GTF2H1: variants seen among roughly 807,000 people sequenced by gnomAD.
The protein encoded by GTF2H1 is general transcription factor IIH subunit 1.
A neutral mutation model predicts 71.2 loss-of-function variants in GTF2H1; 16 were observed. The ratio of observed to expected loss-of-function variants is 0.22; its 90% CI spans 0.15 to 0.34. GTF2H1 has a LOEUF of 0.34. Ranked by LOEUF, GTF2H1 falls within the 10% of genes least tolerant of loss-of-function variation. The probability of loss-of-function intolerance (pLI) is 1.00; values close to 1 mark genes in which losing one functional copy is unlikely to be tolerated. For missense variants in GTF2H1, 498 were observed against 648.2 expected (o/e 0.77, Z 2.52); for synonymous variants, 215 against 219.0 (o/e 0.98, Z 0.16).
At chr11:18,333,569 G>T (rs150531359) in intron 2 of GTF2H1, 1 of 167,284 alleles carries the variant, frequency 6.0e-6, no homozygotes, top group Non-Finnish European at 1.3e-5. Flanking sequence ...TTATTGCAGT[G>T]TTTGCACTAA....
chr11:18,354,526 G>C (rs564244099), intron 11 of GTF2H1, among the ~76,000 whole-genome samples: 2 of 152,230 alleles, frequency 1.3e-5, no homozygotes, highest in East Asian at 1.9e-4. Context: ...CAGACTCCTA[G>C]ACTCAAGCAA....
At chr11:18,347,096 C>T (rs115854988) in intron 7 of GTF2H1, 2,541 of 151,882 alleles carry the variant, frequency 0.017, 66 homozygotes, top group South Asian at 0.082. Flanking sequence ...ATGCAGACCA[C>T]GCACGGTGGC....
intron 4 of GTF2H1, among the ~76,000 whole-genome samples, 183 bp from the exon 5 acceptor site, chr11:18,339,381 C>G (rs1313355162): frequency 6.6e-6 from 1 of 152,132 alleles, no homozygotes; most frequent in Non-Finnish European, 1.5e-5. Flanking sequence ...CACTTAAGAC[C>G]GTGAGAAACC....
intron 4 of GTF2H1, 83 bp from the exon 5 acceptor site, chr11:18,339,481 C>T: frequency 2.3e-6 from 2 of 882,360 alleles, no homozygotes; most frequent in Middle Eastern, 2.3e-4. Context: ...ATTTTTTTTT[C>T]CACCTTTGTC....
At chr11:18,332,910 C>A in intron 1 of GTF2H1, 150 bp from the exon 2 acceptor site, 1 of 526,350 alleles carries the variant, frequency 1.9e-6, no homozygotes, top group Non-Finnish European at 3.2e-6. Context: ...ACTTTATCTT[C>A]AACTTTGAAT....
chr11:18,335,825 A>G lies in GTF2H1; in HGVS notation c.226A>G (p.Asn76Asp). 6.2e-7 allele frequency: 1 copy of G among 1,614,036 alleles called. No homozygotes were observed. The highest frequency in any genetic ancestry group is 8.5e-7 in the Non-Finnish European group (1 of 1,179,860). Residue 76 changes from asparagine to aspartate, a missense_variant, in exon 3 of 15, where the codon AAC becomes GAC. Transcript: ENST00000265963. ...GGTCCTACATGCAGGGGACACAACTAACTTCCATTTTTCCAATGAAAGCAC... is the reference window on the plus strand; with the variant it reads ...GGTCCTACATGCAGGGGACACAACTGACTTCCATTTTTCCAATGAAAGCAC... Reference protein sequence around the residue: ...QLVLHAGDTTNFHFSNESTAV... With the variant: ...QLVLHAGDTTDFHFSNESTAV...
chr11:18,362,434 A>G (rs1047070220), intron 14 of GTF2H1, among the ~76,000 whole-genome samples: 2 of 152,166 alleles, frequency 1.3e-5, no homozygotes, highest in Non-Finnish European at 2.9e-5. Flanking sequence ...AATTTACAAT[A>G]TAGCTTTTTT....
At chr11:18,352,146 T>G in intron 10 of GTF2H1, 177 bp downstream of exon 10, 2 of 625,128 alleles carry the variant, frequency 3.2e-6, no homozygotes, top group Non-Finnish European at 5.8e-6. Context: ...ACAATAAATG[T>G]GGATCTTTCT....
chr11:18,327,560 GC>G (rs577961880), intron 1 of GTF2H1, among the ~76,000 whole-genome samples: 159 of 152,248 alleles, frequency 1.0e-3, no homozygotes, highest in African/African-American at 2.9e-3. Flanking sequence ...CTGAGATAAT[GC>G]CTATAAGAAA....
At chr11:18,335,440 G>A (rs1033984742) in intron 2 of GTF2H1, among the ~76,000 whole-genome samples, 1 of 152,312 alleles carries the variant, frequency 6.6e-6, no homozygotes, top group Non-Finnish European at 1.5e-5. Flanking sequence ...CATTCAGGAA[G>A]CTTTAAAGAG....
chr11:18,358,950 T>C (rs1368291669), intron 13 of GTF2H1, among the ~76,000 whole-genome samples: 1 of 152,234 alleles, frequency 6.6e-6, no homozygotes. Context: ...TTATATTTGA[T>C]ACGTTTTTCA....
intron 1 of GTF2H1, among the ~76,000 whole-genome samples, chr11:18,323,041 C>G (rs979280815): frequency 2.6e-5 from 4 of 152,148 alleles, no homozygotes; most frequent in Non-Finnish European, 5.9e-5. Flanking sequence ...GAAGCCCTTC[C>G]CGTCAGGAAA....
chr11:18,333,452 A>G (rs1432565930), intron 2 of GTF2H1: 5 of 340,686 alleles, frequency 1.5e-5, no homozygotes, highest in Non-Finnish European at 2.6e-5. Flanking sequence ...TGACATATAG[A>G]TCTCCACACA....
intron 2 of GTF2H1, among the ~76,000 whole-genome samples, chr11:18,334,303 T>G (rs1428770856): frequency 2.0e-5 from 3 of 151,996 alleles, no homozygotes; most frequent in African/African-American, 7.3e-5. Context: ...TGGCGTGAAC[T>G]CAAGAGGCGG....
intron 3 of GTF2H1, among the ~76,000 whole-genome samples, chr11:18,337,825 C>T (rs2133963452): frequency 6.6e-6 from 1 of 152,170 alleles, no homozygotes; most frequent in South Asian, 2.1e-4. Context: ...ATCTTTGAAT[C>T]ACTGGGATAC....
At chr11:18,323,546 CA>C (rs569174251) in intron 1 of GTF2H1, among the ~76,000 whole-genome samples, 65 of 151,686 alleles carry the variant, frequency 4.3e-4, no homozygotes, top group African/African-American at 1.5e-3. Flanking sequence ...TTTGAAGACC[CA>C]GTCTTAAAAA....
intron 7 of GTF2H1, among the ~76,000 whole-genome samples, chr11:18,344,278 T>A (rs1865231514): frequency 6.6e-6 from 1 of 152,166 alleles, no homozygotes; most frequent in Non-Finnish European, 1.5e-5. Context: ...TTCTAACCTT[T>A]ATTTTTGCTA....
intron 3 of GTF2H1, 118 bp downstream of exon 3, chr11:18,336,064 G>A: frequency 1.5e-6 from 1 of 664,682 alleles, no homozygotes; most frequent in South Asian, 2.5e-5. Context: ...GTTTTTTGTT[G>A]TTGTCGTTTT....
chr11:18,345,499 C>CTTT (rs772599660), intron 7 of GTF2H1, among the ~76,000 whole-genome samples: 1,982 of 134,948 alleles, frequency 0.015, 42 homozygotes, highest in African/African-American at 0.045. Context: ...GCATATGGAT[C>CTTT]TTTTTTTTTT....
Sources: allele counts gnomAD v4.1 joint callset (sites outside exome capture counted in the v4.1 genomes callset), GRCh38; gene constraint gnomAD v4.1.1; transcripts MANE v1.5; gene names NCBI Gene and HGNC (gene_info 2026-07-23, HGNC 2026-07-21).